Variants in SPATA1 observed in about 807,000 individuals in gnomAD.
SPATA1 encodes the protein spermatogenesis associated 1, also known as spermatogenesis-associated protein 1.
In SPATA1, 57 loss-of-function variants were observed where a neutral mutation model predicts 59.6. The ratio of observed to expected loss-of-function variants is 0.96; its 90% CI spans 0.77 to 1.19. The LOEUF (loss-of-function observed/expected upper bound fraction) is 1.19, where lower values mean the gene tolerates loss of function less well. Ranked by LOEUF, SPATA1 falls within the 50% of genes most tolerant of loss-of-function variation. The pLI is 0.00. For missense variants in SPATA1, 448 were observed against 480.7 expected (o/e 0.93, Z 0.64); for synonymous variants, 147 against 163.9 (o/e 0.90, Z 0.79).
At chr1:84,528,054 G>C (rs1683304178) in intron 6 of SPATA1, among the ~76,000 whole-genome samples, 1 of 152,162 alleles carries the variant, frequency 6.6e-6, no homozygotes, top group Non-Finnish European at 1.5e-5. Context: ...TCTAAATGCA[G>C]TTTCATGCAT....
At chr1:84,522,755 G>A (rs1044090396) in intron 4 of SPATA1, among the ~76,000 whole-genome samples, 28 of 152,140 alleles carry the variant, frequency 1.8e-4, no homozygotes, top group African/African-American at 6.3e-4. Context: ...AATTTAAAAT[G>A]TGATCATATA....
chr1:84,534,018 G>C lies in SPATA1; in HGVS notation c.717+252G>C, dbSNP rs1322549066. ...CTCAAATTTTATTACTAGTTTTAAA[G>C]GTACATCAAACTATACTTAACTAGC... On this transcript the variant is annotated intron_variant, in intron 8 of 12. Coordinates refer to ENST00000490879, the Ensembl canonical transcript of SPATA1. Among the ~76,000 whole-genome samples the C allele has an allele frequency of 2.0e-5, 3 of 152,076 alleles. No homozygotes were observed. In the East Asian group the frequency reaches 5.8e-4, roughly 29 times the overall value.
chr1:84,538,253 C>A (rs925805996), intron 8 of SPATA1, among the ~76,000 whole-genome samples: 1 of 152,180 alleles, frequency 6.6e-6, no homozygotes, highest in East Asian at 1.9e-4. Flanking sequence ...TCCTATTATG[C>A]CATTCTTAAT....
At chr1:84,551,153 T>C in intron 12 of SPATA1, 1 of 985,284 alleles carries the variant, frequency 1.0e-6, no homozygotes, top group Non-Finnish European at 1.2e-6. Flanking sequence ...TAAAAAGCTT[T>C]TTTGTTGAAC....
At chr1:84,513,664 T>G (rs551452164) in intron 1 of SPATA1, among the ~76,000 whole-genome samples, 2 of 152,344 alleles carry the variant, frequency 1.3e-5, no homozygotes, top group East Asian at 3.9e-4. Context: ...TAGTGCTTAG[T>G]TATAAATATG....
chr1:84,540,323 A>C (rs1683858998), intron 8 of SPATA1, among the ~76,000 whole-genome samples: 4 of 151,770 alleles, frequency 2.6e-5, no homozygotes, highest in Admixed American at 2.6e-4. Flanking sequence ...ATTTAGAAAG[A>C]TTTTTATTTT....
intron 8 of SPATA1, among the ~76,000 whole-genome samples, chr1:84,537,148 AAT>A (rs1232315168): frequency 6.6e-6 from 1 of 151,564 alleles, no homozygotes; most frequent in East Asian, 2.0e-4. Context: ...AAAGTGCTGA[AAT>A]TACAGGCGTG....
intron 4 of SPATA1, chr1:84,563,195 A>G: frequency 8.8e-7 from 1 of 1,140,942 alleles, no homozygotes; most frequent in African/African-American, 1.6e-5. Flanking sequence ...TCAAACATCT[A>G]ATTATGAAAA....
At chr1:84,561,789 G>A (rs1359404352) in intron 4 of SPATA1, among the ~76,000 whole-genome samples, 3 of 152,172 alleles carry the variant, frequency 2.0e-5, no homozygotes, top group South Asian at 2.1e-4. Context: ...TCAGATGATC[G>A]TTATCATTTT....
Position 84,528,771 on chromosome 1 carries a change from A to T in SPATA1, c.544+2698A>T, listed in dbSNP as rs1480330998. 2.0e-5 allele frequency among the ~76,000 whole-genome samples: 3 copies of T among 152,194 alleles called. No homozygotes were observed. The East Asian group carries it at 5.8e-4, about 29-fold the overall frequency. ...TACATGTTCAACTTCACTAAACAAC[A>T]TCCATGTGTTTTCCAAAGCGGTAGT... On this transcript the variant is annotated intron_variant, in intron 6 of 12. Coordinates refer to ENST00000490879, the Ensembl canonical transcript of SPATA1.
downstream of SPATA1, chr1:84,555,249 G>A (rs181215666): frequency 2.3e-3 from 3,273 of 1,407,032 alleles, 6 homozygotes; most frequent in Non-Finnish European, 3.0e-3. Flanking sequence ...GTACAATTCA[G>A]CACCACAGGA....
At chr1:84,528,412 C>T (rs1425641781) in intron 6 of SPATA1, among the ~76,000 whole-genome samples, 1 of 152,006 alleles carries the variant, frequency 6.6e-6, no homozygotes, top group Non-Finnish European at 1.5e-5. Context: ...ATAGGAATTC[C>T]TTGTAGTTTC....
At chr1:84,552,121 A>C (rs1158828894) in intron 12 of SPATA1, 2 of 152,148 alleles carry the variant, frequency 1.3e-5, no homozygotes, top group Admixed American at 6.6e-5. Context: ...GACATTATTT[A>C]AGAAGTTTTA....
At chr1:84,526,493 C>T (rs1179072677) in intron 6 of SPATA1, among the ~76,000 whole-genome samples, 1 of 152,134 alleles carries the variant, frequency 6.6e-6, no homozygotes, top group Non-Finnish European at 1.5e-5. Flanking sequence ...TGTTGGGGAA[C>T]ATACGTATTT....
At chr1:84,559,589 T>A (rs1159238534) in intron 4 of SPATA1, among the ~76,000 whole-genome samples, 1 of 152,058 alleles carries the variant, frequency 6.6e-6, no homozygotes, top group Non-Finnish European at 1.5e-5. Flanking sequence ...GCCACTGCAC[T>A]CCAGCCTGGG....
chr1:84,519,617 C>A (rs1321052392), intron 2 of SPATA1, among the ~76,000 whole-genome samples: 1 of 151,914 alleles, frequency 6.6e-6, no homozygotes, highest in East Asian at 1.9e-4. Flanking sequence ...CTCTAGTGTT[C>A]AAAATGCAAC....
intron 1 of SPATA1, among the ~76,000 whole-genome samples, chr1:84,510,559 G>A (rs1682492840): frequency 6.6e-6 from 1 of 152,202 alleles, no homozygotes; most frequent in African/African-American, 2.4e-5. Context: ...CACTGTTGGT[G>A]AGAATGTAAA....
intron 4 of SPATA1, chr1:84,563,154 C>T: frequency 1.3e-6 from 1 of 769,560 alleles, no homozygotes; most frequent in Non-Finnish European, 1.9e-6. Context: ...CATGTTATGC[C>T]CTAAAAGAAA....
chr1:84,526,867 C>CA (rs761804155), intron 6 of SPATA1, among the ~76,000 whole-genome samples: 1,722 of 60,416 alleles, frequency 0.029, 73 homozygotes, highest in Non-Finnish European at 0.044. Context: ...GACTTTGTCT[C>CA]AAAAAAAAAA....
Sources: gnomAD v4.1 joint callset for allele counts (sites outside exome capture counted in the v4.1 genomes callset) on GRCh38, gnomAD v4.1.1 for gene constraint, MANE v1.5 for transcripts, NCBI Gene and HGNC (gene_info 2026-07-23, HGNC 2026-07-21) for gene names.